The following GCM2 variants were observed in gnomAD, a reference collection of about 807,000 sequenced individuals.
GCM2 encodes GCM transcription factor 2, also known as chorion-specific transcription factor GCMb.
GCM2 carries 21 observed loss-of-function variants against 24.8 expected under a neutral mutation model. The ratio of observed to expected loss-of-function variants is 0.85; its 90% CI spans 0.60 to 1.22. The LOEUF (loss-of-function observed/expected upper bound fraction) is 1.22, where lower values mean the gene tolerates loss of function less well. GCM2 is among the 50% of genes most tolerant of loss of function. The pLI, the probability that GCM2 is intolerant of heterozygous loss-of-function variation, is 0.00. For synonymous variants in GCM2, 222 were observed against 238.0 expected, an observed-to-expected ratio of 0.93 and a Z score of 0.62; for missense variants, 532 against 645.6, an observed-to-expected ratio of 0.82 and a Z score of 1.91.
chr6:10,877,430 A>T (rs751382499), intron 1 of GCM2, 38 bp from the exon 2 acceptor site: 1 of 1,611,628 alleles, frequency 6.2e-7, no homozygotes, highest in South Asian at 1.1e-5. Context: ...CAGTCTATCC[A>T]GTCCAAACTG....
In GCM2 at chr6:10,877,471, A is replaced by C. The variant is rs1199977678; in HGVS notation, c.91-79T>G. 6 of 1,449,534 alleles carry C rather than the reference A, an allele frequency of 4.1e-6. No individual in the cohort carries two copies. The African/African-American group carries it at 8.4e-5, about 20-fold the overall frequency. The allele number at this position is 1,449,534 out of a possible 1,614,324, so 89.8% of individuals were successfully genotyped here. A position where few individuals can be genotyped will look rare whatever the true frequency, so the allele number is the denominator to read the frequency against. ...ATCATGCTCTAAAATTTCTCTGAGC[A>C]CATTAGGATACAAACCAGTTCTTTT... On this transcript the variant is annotated intron_variant, in intron 1 of 4. Coordinates refer to ENST00000379491, the MANE Select transcript of GCM2 (RefSeq NM_004752.4).
At chr6:10,878,750 C>T (rs1206132620) in intron 1 of GCM2, among the ~76,000 whole-genome samples, 2 of 152,188 alleles carry the variant, frequency 1.3e-5, no homozygotes, top group African/African-American at 4.8e-5. Context: ...AACATCTTTG[C>T]AAGATGGACA....
Position 10,873,821 on chromosome 6 carries a change from A to G in GCM2, c.*174T>C. 1 of 664,164 alleles carries G rather than the reference A, an allele frequency of 1.5e-6. No homozygotes were observed. Among genetic ancestry groups the G allele is most frequent in the Non-Finnish European group, 2.7e-6 (1 of 368,120 alleles). The allele number at this position is 664,164 out of a possible 1,614,324, so 41.1% of individuals were successfully genotyped here. ...CAAAATGCTGTGTGAAATTTCCCAT[A>G]TTATCTAATCATTTCCAACTGATTA... On this transcript the variant is annotated 3_prime_UTR_variant, in exon 5 of 5. Coordinates refer to ENST00000379491, the MANE Select transcript of GCM2 (RefSeq NM_004752.4).
Position 10,878,115 on chromosome 6 carries a change from G to A in GCM2, c.91-723C>T, listed in dbSNP as rs376618439. Among the ~76,000 whole-genome samples, 245 of 152,230 alleles carry A rather than the reference G, an allele frequency of 1.6e-3. 2 individuals are homozygous for A. The highest frequency in any genetic ancestry group is 5.7e-3 in the African/African-American group (236 of 41,550). The stretch of plus-strand genomic sequence containing the variant: ...GTGTGGGTGAGCTTGTCTGGCACGG[G>A]ACTGCTCCCCAGAGCAATATGGGAC... On this transcript the variant is annotated intron_variant, in intron 1 of 4. Coordinates refer to ENST00000379491, the MANE Select transcript of GCM2 (RefSeq NM_004752.4).
chr6:10,881,356 C>T (rs962171103), intron 1 of GCM2, among the ~76,000 whole-genome samples: 9 of 152,038 alleles, frequency 5.9e-5, no homozygotes, highest in Non-Finnish European at 1.2e-4. Context: ...CGGGGTTTCT[C>T]CATGTTGGTC....
At chr6:10,881,648 C>T in intron 1 of GCM2, 56 bp downstream of exon 1, 1 of 1,237,628 alleles carries the variant, frequency 8.1e-7, no homozygotes, top group Non-Finnish European at 1.2e-6. Flanking sequence ...GAATGCCATT[C>T]TCCCTCCTTC....
chr6:10,876,935 T>C (rs970486307), intron 2 of GCM2, among the ~76,000 whole-genome samples: 5 of 152,100 alleles, frequency 3.3e-5, no homozygotes, highest in Admixed American at 1.3e-4. Flanking sequence ...TGGTGGCGCA[T>C]GCCTGTAATC....
At chr6:10,878,315 C>G (rs1409057726) in intron 1 of GCM2, among the ~76,000 whole-genome samples, 1 of 151,982 alleles carries the variant, frequency 6.6e-6, no homozygotes, top group Non-Finnish European at 1.5e-5. Flanking sequence ...CTTTACTGAG[C>G]ACTTCCTTTT....
At position 10,874,722 on chromosome 6, in the gene GCM2, C is replaced by G. The variant is rs761297053; in HGVS notation, c.794G>C (p.Arg265Thr). Reference protein sequence around the residue: ...MPPFQKYSSPRIYLPRPPCSY... With the variant: ...MPPFQKYSSPTIYLPRPPCSY... The stretch of plus-strand genomic sequence containing the variant: ...GCAAGGTGGCCTAGGCAAATAGATT[C>G]TTGGGCTTGAGTATTTCTGGAAGGG... Residue 265 changes from arginine (R) to threonine (T), a missense_variant, in exon 5 of 5, where the codon AGA becomes ACA. Physicochemically the swap from Arg to Thr is moderately conservative, Grantham distance 71 (BLOSUM62 -1). Around this residue, in one of 3 missense-constraint regions of GCM2, gnomAD observed 434 missense variants for 521.9 expected, o/e 0.83. Transcript: ENST00000379491. 2 of 1,613,964 alleles carry G rather than the reference C, an allele frequency of 1.2e-6. No individual in the cohort carries two copies. The highest frequency in any genetic ancestry group is 8.5e-7 in the Non-Finnish European group (1 of 1,180,020).
chr6:10,873,855 G>C lies in GCM2; in HGVS notation c.*140C>G. 1.4e-6 allele frequency: 1 copy of C among 724,884 alleles called. No individual in the cohort carries two copies. Among genetic ancestry groups the C allele is most frequent in the Non-Finnish European group, 2.4e-6 (1 of 409,222 alleles). The allele number at this position is 724,884 out of a possible 1,614,324, so 44.9% of individuals were successfully genotyped here. On this transcript the variant is annotated 3_prime_UTR_variant, in exon 5 of 5. Transcript: ENST00000379491. ...TCATTTCCAACTGATTATTTTCTCAGTTACTCAGAATTTTTACTACTATCT... is the reference window on the plus strand; with the variant it reads ...TCATTTCCAACTGATTATTTTCTCACTTACTCAGAATTTTTACTACTATCT...
At position 10,874,447 on chromosome 6, in the gene GCM2, G is replaced by T. The variant is rs763269716; in HGVS notation, c.1069C>A (p.Arg357Ser). ...NHGQFQAMAT[R>S]PYYNPELPCR... Reference sequence around the variant, plus strand: ...GGAAGCTCTGGGTTATAATAAGGGCGAGTGGCCATGGCCTGAAACTGCCCA... The same window carrying T: ...GGAAGCTCTGGGTTATAATAAGGGCTAGTGGCCATGGCCTGAAACTGCCCA... The change falls in exon 5 of 5, where the codon CGC (arginine) becomes AGC (serine). Residue 357 changes from arginine to serine, a missense_variant. Arg to Ser is a moderately radical substitution (Grantham distance 110, BLOSUM62 -1). This residue lies in a region of GCM2 where 434 missense variants were observed against 521.9 expected (regional missense o/e 0.83). Transcript: ENST00000379491. 6.2e-7 allele frequency: 1 copy of T among 1,614,184 alleles called. No homozygotes were observed. Among genetic ancestry groups the T allele is most frequent in the Non-Finnish European group, 8.5e-7 (1 of 1,180,032 alleles).
In GCM2 at chr6:10,876,551, G is replaced by C; in HGVS notation, c.350C>G (p.Ala117Gly). The C allele has an allele frequency of 6.2e-7, 1 of 1,601,842 alleles. No individual in the cohort carries two copies. ...CAAAGCAGAATGACAGTTAGGGCAT[G>C]CCTTCTCTGCAAAGCCCAGAAGGGA... ...DKARLKQQKK[A>G]CPNCHSALEL... The change falls in exon 3 of 5, where the codon GCA (alanine) becomes GGA (glycine). Residue 117 changes from alanine (A) to glycine (G), a missense_variant. This residue lies in a region of GCM2 where 434 missense variants were observed against 521.9 expected (regional missense o/e 0.83). Coordinates refer to ENST00000379491, the MANE Select transcript of GCM2 (RefSeq NM_004752.4).
Position 10,873,560 on chromosome 6 carries a change from G to A in GCM2, c.*435C>T, listed in dbSNP as rs1779833633. ...ACAAAAATTTCATGAAATGACTCAGGTGATAAGATTGTAAAAATTTCTTCC... is the reference window on the plus strand; with the variant it reads ...ACAAAAATTTCATGAAATGACTCAGATGATAAGATTGTAAAAATTTCTTCC... On this transcript the variant is annotated 3_prime_UTR_variant, in exon 5 of 5. Coordinates refer to ENST00000379491, the MANE Select transcript of GCM2 (RefSeq NM_004752.4). 1 of 202,816 alleles carries A rather than the reference G, an allele frequency of 4.9e-6. No homozygotes were observed. Among genetic ancestry groups the A allele is most frequent in the Non-Finnish European group, 1.0e-5 (1 of 98,342 alleles). The allele number at this position is 202,816 out of a possible 1,614,324, so 12.6% of individuals were successfully genotyped here. A position where few individuals can be genotyped will look rare whatever the true frequency, so the allele number is the denominator to read the frequency against.
At chr6:10,875,863 C>T in intron 4 of GCM2, 28 bp downstream of exon 4, 1 of 1,610,786 alleles carries the variant, frequency 6.2e-7, no homozygotes, top group Non-Finnish European at 8.5e-7. Flanking sequence ...TGAGCTGAGA[C>T]CACTGTGCAC....
intron 1 of GCM2, among the ~76,000 whole-genome samples, chr6:10,881,296 C>T (rs1374574625): frequency 6.6e-6 from 1 of 151,990 alleles, no homozygotes; most frequent in African/African-American, 2.4e-5. Context: ...GTAGCTGCGA[C>T]TTTAGGCATG....
At position 10,874,902 on chromosome 6, in the gene GCM2, A is replaced by C. The variant is rs747464046; in HGVS notation, c.614T>G (p.Phe205Cys). 2 of 1,613,630 alleles carry C rather than the reference A, an allele frequency of 1.2e-6. No individual in the cohort carries two copies. The change falls in exon 5 of 5, where the codon TTC becomes TGC. Residue 205 changes from phenylalanine (F) to cysteine (C), a missense_variant. Phe to Cys is a radical substitution (Grantham distance 205). This residue lies in a region of GCM2 where 434 missense variants were observed against 521.9 expected (regional missense o/e 0.83). Transcript: ENST00000379491. ...ATTTTCCAAGGGAGGTATGTTGCTG[A>C]AATGACCACTGCTGTCTTGATTTTC... ...AEENQDSSGH[F>C]SNIPPLENPE...
Position 10,875,917 on chromosome 6 carries a change from G to A in GCM2, c.556C>T (p.Gln186Ter). The change falls in exon 4 of 5, where the codon CAG (glutamine) becomes TAG (stop). Residue 186 changes from glutamine (Q) to a stop codon, truncating the protein, a stop_gained. Coordinates refer to ENST00000379491, the MANE Select transcript of GCM2 (RefSeq NM_004752.4). LOFTEE classifies it low-confidence loss of function (END_TRUNC). ...TCGGATTCTCGAATTCTCTTTTTCT[G>A]GGGTTGGTAGAAAGAGGCCATTTGT... Reference protein sequence around the residue: ...KRQMASFYQPQKKRIRESEAE... With the variant: ...KRQMASFYQP 6.2e-7 allele frequency: 1 copy of A among 1,613,912 alleles called. No individual in the cohort carries two copies. The highest frequency in any genetic ancestry group is 8.5e-7 in the Non-Finnish European group (1 of 1,179,896).
Position 10,881,786 on chromosome 6 carries a change from G to C in GCM2, c.8C>G (p.Ala3Gly), listed in dbSNP as rs142356107. 6.2e-7 allele frequency: 1 copy of C among 1,607,230 alleles called. No homozygotes were observed. Among genetic ancestry groups the C allele is most frequent in the South Asian group, 1.1e-5 (1 of 91,074 alleles). The stretch of plus-strand genomic sequence containing the variant: ...GCCGACCGCTTCCTGCACCGCGGCC[G>C]CCGGCATCTGCCCAACTCGCTCGCG... Reference protein sequence around the residue: MPAAAVQEAVGVC... With the variant: MPGAAVQEAVGVC... The change falls in exon 1 of 5, where the codon GCG becomes GGG. Residue 3 changes from alanine (A) to glycine (G), a missense_variant. By Grantham distance (60) the Ala-to-Gly change is moderately conservative (BLOSUM62 0). Around this residue, in one of 3 missense-constraint regions of GCM2, gnomAD observed 96 missense variants for 103.5 expected, o/e 0.93. Coordinates refer to ENST00000379491, the MANE Select transcript of GCM2 (RefSeq NM_004752.4).
Position 10,873,902 on chromosome 6 carries a change from G to T in GCM2, c.*93C>A. The T allele has an allele frequency of 1.1e-6, 1 of 951,998 alleles. No homozygotes were observed. The highest frequency in any genetic ancestry group is 1.3e-5 in the South Asian group (1 of 74,622). 59.0% of individuals were successfully genotyped at this position (951,998 alleles called of 1,614,324 possible). On this transcript the variant is annotated 3_prime_UTR_variant, in exon 5 of 5. Coordinates refer to ENST00000379491, the MANE Select transcript of GCM2 (RefSeq NM_004752.4). ...ATCTGTGTTTCTTTGCACACAAGGT[G>T]AATCTCCCAACTCAATAAGAGATCA...
Sources: gnomAD v4.1 joint callset for allele counts (sites outside exome capture counted in the v4.1 genomes callset) on GRCh38, gnomAD v4.1.1 for gene constraint, gnomAD v4.1.1 regional missense constraint, MANE v1.5 for transcripts, NCBI Gene and HGNC (gene_info 2026-07-23, HGNC 2026-07-21) for gene names.